Variants in TSPAN11 observed in about 807,000 individuals in gnomAD.
TSPAN11 encodes the protein tetraspanin 11, also known as tetraspanin-11.
A neutral mutation model predicts 32.9 loss-of-function variants in TSPAN11; 29 were observed. The observed-to-expected ratio is 0.88, with a 90% confidence interval of 0.66 to 1.20. The LOEUF is 1.20. Among genes scored for constraint, TSPAN11 ranks in the 50% most tolerant of loss-of-function variants. The probability of loss-of-function intolerance (pLI) is 0.00; values close to 1 mark genes in which losing one functional copy is unlikely to be tolerated. For missense variants in TSPAN11, 283 were observed against 329.1 expected (o/e 0.86, Z 1.08); for synonymous variants, 140 against 141.3 (o/e 0.99, Z 0.07).
At chr12:30,956,603 C>T (rs1238527495) in intron 2 of TSPAN11, among the ~76,000 whole-genome samples, 1 of 152,078 alleles carries the variant, frequency 6.6e-6, no homozygotes, top group African/African-American at 2.4e-5. Flanking sequence ...GATGATCCTA[C>T]AAAGCAGGGA....
chr12:30,961,911 C>T (rs2140291419), intron 2 of TSPAN11, among the ~76,000 whole-genome samples: 1 of 152,124 alleles, frequency 6.6e-6, no homozygotes, highest in Middle Eastern at 3.4e-3. Context: ...ATTTTATTGA[C>T]CTAAACTCAG....
At chr12:30,967,409 C>T (rs1938755035) in intron 3 of TSPAN11, among the ~76,000 whole-genome samples, 1 of 152,238 alleles carries the variant, frequency 6.6e-6, no homozygotes, top group African/African-American at 2.4e-5. Flanking sequence ...CCCTTCTGCA[C>T]TTCGGGGAGT....
At chr12:30,964,102 C>A (rs1267566878) in intron 3 of TSPAN11, 85 bp downstream of exon 3, 2 of 1,507,018 alleles carry the variant, frequency 1.3e-6, no homozygotes, top group African/African-American at 2.8e-5. Flanking sequence ...GGCCCCAGCC[C>A]TGGAGTGGGA....
chr12:30,946,181 A>G (rs1408893958), intron 1 of TSPAN11, among the ~76,000 whole-genome samples: 1 of 152,176 alleles, frequency 6.6e-6, no homozygotes, highest in East Asian at 1.9e-4. Context: ...TCCTGGTTTA[A>G]CACTGAACAG....
At chr12:31,015,417 G>A in the TSPAN11 span, 38 of 152,332 alleles carry the variant, frequency 2.5e-4, no homozygotes, top group African/African-American at 5.1e-4. This position sits in a 1 kb window ranked among gnomAD's most constrained non-coding sequence, Gnocchi z 4.9. Context: ...AGGTTTAAGC[G>A]GTGTGGGGTC....
At position 30,992,941 on chromosome 12, in the gene TSPAN11, C is replaced by A. The variant is rs1268505025; in HGVS notation, c.*1026C>A. The A allele has an allele frequency of 1.3e-5, 2 of 152,242 alleles. No individual in the cohort carries two copies. The highest frequency in any genetic ancestry group is 2.9e-5 in the Non-Finnish European group (2 of 68,062). 9.4% of individuals were successfully genotyped at this position (152,242 alleles called of 1,614,324 possible). A position where few individuals can be genotyped will look rare whatever the true frequency, so the allele number is the denominator to read the frequency against. On this transcript the variant is annotated 3_prime_UTR_variant, in exon 8 of 8. Transcript: ENST00000546076. ...CAGCTCTGCTTCCCTTCCCACCTGT[C>A]CTAGAGTGGACAGAGCTTTTTCCTT...
At chr12:30,998,823 T>A (rs1226034509), downstream of TSPAN11, 1 of 152,148 alleles carries the variant, frequency 6.6e-6, no homozygotes, top group Admixed American at 6.5e-5. Context: ...AAGCCCAAAT[T>A]CTACTTTAGA....
rs140567552 is a variant in TSPAN11 at position 30,979,596 on chromosome 12, C to T, written c.382C>T (p.Arg128Trp). 79 of 1,614,082 alleles carry T rather than the reference C, an allele frequency of 4.9e-5. 1 individual carries two copies. The highest frequency in any genetic ancestry group is 1.7e-4 in the Admixed American group (10 of 60,010). Residue 128 changes from arginine (R) to tryptophan (W), a missense_variant, in exon 5 of 8, where the codon CGG (arginine) becomes TGG (tryptophan). Arg to Trp is a moderately radical substitution (Grantham distance 101, BLOSUM62 -3). Transcript: ENST00000546076. ...LSDELKQHLN[R>W]TLAENYGQPG... Reference sequence around the variant, plus strand: ...TGATGAACTGAAGCAGCACTTGAACCGGACTCTGGCTGAGAACTACGGGCA... The same window carrying T: ...TGATGAACTGAAGCAGCACTTGAACTGGACTCTGGCTGAGAACTACGGGCA...
At chr12:30,938,837 A>G (rs1938098465) in intron 1 of TSPAN11, among the ~76,000 whole-genome samples, 1 of 152,080 alleles carries the variant, frequency 6.6e-6, no homozygotes, top group Non-Finnish European at 1.5e-5. Flanking sequence ...CCCTCCTCAA[A>G]GCCTACTAAA....
At position 30,993,495 on chromosome 12, in the gene TSPAN11, GCCT is replaced by G. The variant is rs1939358174; in HGVS notation, c.*1585_*1587del. 1 of 152,312 alleles carries G rather than the reference GCCT, an allele frequency of 6.6e-6. No homozygotes were observed. Among genetic ancestry groups the G allele is most frequent in the Admixed American group, 6.5e-5 (1 of 15,280 alleles). 9.4% of individuals were successfully genotyped at this position (152,312 alleles called of 1,614,324 possible). On this transcript the variant is annotated 3_prime_UTR_variant, in exon 8 of 8. Transcript: ENST00000546076. Reference sequence around the variant, plus strand: ...GGGAAGCCCAGCCTCGGGGCCGGTTGCCTCCTCTTCTCTGGGTGTTCTCCAGTG... The same window carrying G: ...GGGAAGCCCAGCCTCGGGGCCGGTTGCCTCTTCTCTGGGTGTTCTCCAGTG...
intron 1 of TSPAN11, among the ~76,000 whole-genome samples, chr12:30,934,422 T>A (rs11051171): frequency 0.32 from 47,907 of 152,074 alleles, 9,144 homozygotes; most frequent in Non-Finnish European, 0.43. Flanking sequence ...AAGACATACC[T>A]GAGACTGGGA....
At chr12:30,983,460 C>T (rs1198309405) in intron 7 of TSPAN11, among the ~76,000 whole-genome samples, 1 of 152,066 alleles carries the variant, frequency 6.6e-6, no homozygotes, top group Non-Finnish European at 1.5e-5. Flanking sequence ...TGGGGGTGAG[C>T]GTGCAAGCCA....
At chr12:30,943,044 A>G (rs1938198680) in intron 1 of TSPAN11, among the ~76,000 whole-genome samples, 1 of 152,068 alleles carries the variant, frequency 6.6e-6, no homozygotes, top group South Asian at 2.1e-4. Flanking sequence ...GACCAGGGAG[A>G]AGGTGTGATT....
intron 2 of TSPAN11, among the ~76,000 whole-genome samples, chr12:30,955,698 G>A (rs1002749888): frequency 2.0e-5 from 3 of 152,116 alleles, no homozygotes; most frequent in African/African-American, 7.2e-5. Flanking sequence ...TTCTGGTTGT[G>A]GCTGCTGATT....
chr12:30,988,677 C>CT (rs1939251853), intron 7 of TSPAN11: 1 of 152,222 alleles, frequency 6.6e-6, no homozygotes. Context: ...GGGCTGAGGT[C>CT]TGTGCACGGG....
At chr12:30,984,124 C>G (rs77618013) in intron 7 of TSPAN11, among the ~76,000 whole-genome samples, 1 of 152,312 alleles carries the variant, frequency 6.6e-6, no homozygotes. Flanking sequence ...CACGAACACG[C>G]CTGCTTCCGC....
Position 30,992,031 on chromosome 12 carries a change from G to C in TSPAN11, c.*116G>C. Reference sequence around the variant, plus strand: ...TAGGGCCATAGATGCCCCCTCCTTTGTGCCTAGCTCCTGCGAATCCACCGA... The same window carrying C: ...TAGGGCCATAGATGCCCCCTCCTTTCTGCCTAGCTCCTGCGAATCCACCGA... On this transcript the variant is annotated 3_prime_UTR_variant, in exon 8 of 8. Transcript: ENST00000546076. The C allele has an allele frequency of 8.4e-7, 1 of 1,185,558 alleles. No individual in the cohort carries two copies. The allele number at this position is 1,185,558 out of a possible 1,614,324, so 73.4% of individuals were successfully genotyped here. A position where few individuals can be genotyped will look rare whatever the true frequency, so the allele number is the denominator to read the frequency against.
chr12:30,988,246 T>C (rs983607967), intron 7 of TSPAN11, among the ~76,000 whole-genome samples: 4 of 152,172 alleles, frequency 2.6e-5, no homozygotes, highest in African/African-American at 9.6e-5. Flanking sequence ...CCTTACAGAC[T>C]ACCTGGACCA....
intron 1 of TSPAN11, among the ~76,000 whole-genome samples, chr12:30,935,871 TC>T (rs1305127561): frequency 6.6e-6 from 1 of 152,184 alleles, no homozygotes; most frequent in Non-Finnish European, 1.5e-5. Flanking sequence ...CCCTTGACTG[TC>T]CTAGGTGACA....
Sources: gnomAD v4.1 joint callset for allele counts (sites outside exome capture counted in the v4.1 genomes callset) on GRCh38, gnomAD v4.1.1 for gene constraint, Gnocchi (gnomAD v3.1) non-coding constraint, MANE v1.5 for transcripts, NCBI Gene and HGNC (gene_info 2026-07-23, HGNC 2026-07-21) for gene names.